Variants in CASP4 observed in about 807,000 individuals in gnomAD.
The protein encoded by CASP4 is caspase-4.
A neutral mutation model predicts 41.3 loss-of-function variants in CASP4; 29 were observed. The observed-to-expected ratio is 0.70, with a 90% confidence interval of 0.52 to 0.96. The LOEUF is 0.96. CASP4 is among the 40% of genes least tolerant of loss of function. The pLI is 0.00. For missense variants in CASP4, 447 were observed against 460.6 expected, an observed-to-expected ratio of 0.97 and a Z score of 0.27; for synonymous variants, 185 against 158.4, an observed-to-expected ratio of 1.17 and a Z score of -1.26.
intron 1 of CASP4, among the ~76,000 whole-genome samples, chr11:104,961,398 C>T (rs1236330086): frequency 4.6e-5 from 7 of 152,218 alleles, no homozygotes; most frequent in Non-Finnish European, 7.4e-5. Flanking sequence ...CTGTCTGTAG[C>T]CCCATTGCAG....
At chr11:104,954,042 A>G (rs1218586030) in intron 2 of CASP4, among the ~76,000 whole-genome samples, 1 of 152,186 alleles carries the variant, frequency 6.6e-6, no homozygotes, top group Admixed American at 6.6e-5. Flanking sequence ...ATGTGCCAAG[A>G]AAACTACTGA....
At chr11:104,953,254 A>G (rs868283710) in intron 2 of CASP4, among the ~76,000 whole-genome samples, 11 of 151,846 alleles carry the variant, frequency 7.2e-5, no homozygotes, top group African/African-American at 2.4e-4. Context: ...TGCTCTGGAG[A>G]CTCCAACTGC....
At chr11:104,966,338 A>G (rs778855672) in intron 1 of CASP4, among the ~76,000 whole-genome samples, 4 of 152,234 alleles carry the variant, frequency 2.6e-5, no homozygotes, top group South Asian at 2.1e-4. Flanking sequence ...TTTAATGAGC[A>G]TAAATTCTTG....
chr11:104,947,173 GTC>G lies in CASP4; in HGVS notation c.943_944del (p.Asp315GlnfsTer36). On this transcript the variant is annotated frameshift_variant, in exon 7 of 9. Transcript: ENST00000444739. LOFTEE classifies it high-confidence loss of function. Reference sequence around the variant, plus strand: ...TGATGAAGATAGAGCCCATTGTGCTGTCTCTCCAGGACACGTTGTCTATAATG... The same window carrying G: ...TGATGAAGATAGAGCCCATTGTGCTGTCTCCAGGACACGTTGTCTATAATG... ...SSTPHNVSWR[D>X]STMGSIFITQ... 6.2e-7 allele frequency: 1 copy of G among 1,609,848 alleles called. No homozygotes were observed. The highest frequency in any genetic ancestry group is 8.5e-7 in the Non-Finnish European group (1 of 1,176,608).
intron 7 of CASP4, 144 bp downstream of exon 7, chr11:104,946,939 C>A: frequency 1.7e-6 from 1 of 602,782 alleles, no homozygotes; most frequent in East Asian, 2.7e-5. Flanking sequence ...TTTCCTTAGC[C>A]ATATTTTAAA....
Position 104,950,993 on chromosome 11 carries a change from T to G in CASP4, c.478A>C (p.Thr160Pro). The G allele has an allele frequency of 6.2e-7, 1 of 1,613,474 alleles. No individual in the cohort carries two copies. Among genetic ancestry groups the G allele is most frequent in the Non-Finnish European group, 8.5e-7 (1 of 1,179,588 alleles). ...CCCTCAAGTAGCTCCTTCATCCCTG[T>G]GATGTCAAAGTCAGCTCCATTCCTC... ...PPRNGADFDITGMKELLEGLD... is the reference protein window; with the variant it reads ...PPRNGADFDIPGMKELLEGLD... Residue 160 changes from threonine to proline, a missense_variant, in exon 4 of 9, where the codon ACA becomes CCA. By Grantham distance (38) the Thr-to-Pro change is conservative. Coordinates refer to ENST00000444739, the MANE Select transcript of CASP4 (RefSeq NM_001225.4).
At chr11:104,960,480 A>C (rs1860834282) in intron 1 of CASP4, among the ~76,000 whole-genome samples, 1 of 151,740 alleles carries the variant, frequency 6.6e-6, no homozygotes, top group African/African-American at 2.4e-5. Context: ...GTATTTATAT[A>C]TTTTTGTGAG....
At chr11:104,966,383 G>T (rs745878517) in intron 1 of CASP4, among the ~76,000 whole-genome samples, 16 of 152,178 alleles carry the variant, frequency 1.1e-4, no homozygotes, top group Non-Finnish European at 2.4e-4. Context: ...GTACCACTTT[G>T]GCAGCATGTC....
intron 1 of CASP4, among the ~76,000 whole-genome samples, chr11:104,966,166 A>G (rs2134662475): frequency 6.6e-6 from 1 of 152,312 alleles, no homozygotes; most frequent in East Asian, 1.9e-4. Context: ...CTGTCTTGAT[A>G]AATTGGCTCT....
At position 104,964,480 on chromosome 11, in the gene CASP4, G is replaced by A. The variant is rs190366190; in HGVS notation, c.7+4039C>T. ...TCCAGAATTTGGAAACTCTTTGTAA[G>A]TATTCTCAATTTATGGCAGCATGGT... On this transcript the variant is annotated intron_variant, in intron 1 of 8. Transcript: ENST00000444739. Among the ~76,000 whole-genome samples the A allele has an allele frequency of 3.3e-3, 496 of 152,318 alleles. 2 individuals are homozygous for A. Among genetic ancestry groups the A allele is most frequent in the Non-Finnish European group, 6.2e-3 (424 of 68,026 alleles).
chr11:104,950,903 G>A, intron 4 of CASP4, 22 bp downstream of exon 4: 1 of 1,605,450 alleles, frequency 6.2e-7, no homozygotes, highest in Non-Finnish European at 8.5e-7. Flanking sequence ...GTATGTGTTT[G>A]TGGCGGCTGA....
intron 2 of CASP4, 60 bp from the exon 3 acceptor site, chr11:104,952,065 TAAG>T: frequency 2.0e-6 from 2 of 1,018,086 alleles, no homozygotes; most frequent in South Asian, 1.3e-5. Context: ...ATTTATCACC[TAAG>T]AAGATCGAGA....
At chr11:104,946,099 G>A (rs1168378643) in intron 7 of CASP4, among the ~76,000 whole-genome samples, 2 of 151,800 alleles carry the variant, frequency 1.3e-5, no homozygotes, top group African/African-American at 4.8e-5. Flanking sequence ...ACCCTCCTTC[G>A]GACTCCCAGA....
intron 1 of CASP4, among the ~76,000 whole-genome samples, chr11:104,956,288 G>A (rs1193477739): frequency 6.6e-6 from 1 of 151,852 alleles, no homozygotes; most frequent in Admixed American, 6.6e-5. Context: ...AATAACTTAT[G>A]TCACATCACA....
chr11:104,948,539 T>G lies in CASP4; in HGVS notation c.919A>C (p.Thr307Pro), dbSNP rs200954001. Reference sequence around the variant, plus strand: ...GCCACTGAAAGATACATACGTGGCGTTGAAGAGCAGAAAGCAATGAAGTCC... The same window carrying G: ...GCCACTGAAAGATACATACGTGGCGGTGAAGAGCAGAAAGCAATGAAGTCC... ...EKDFIAFCSS[T>P]PHNVSWRDST... Residue 307 changes from threonine (T) to proline (P), a missense_variant, in exon 6 of 9, where the codon ACG becomes CCG. By Grantham distance (38) the Thr-to-Pro change is conservative. Coordinates refer to ENST00000444739, the MANE Select transcript of CASP4 (RefSeq NM_001225.4). 6.2e-7 allele frequency: 1 copy of G among 1,604,006 alleles called. No individual in the cohort carries two copies. Among genetic ancestry groups the G allele is most frequent in the Non-Finnish European group, 8.5e-7 (1 of 1,173,930 alleles).
intron 1 of CASP4, among the ~76,000 whole-genome samples, chr11:104,957,003 A>G (rs1162964683): frequency 6.6e-6 from 1 of 152,164 alleles, no homozygotes; most frequent in Non-Finnish European, 1.5e-5. Context: ...AAGATCAGGA[A>G]GAAGACAAAG....
In CASP4 at chr11:104,962,848, C is replaced by T. The variant is rs368184130; in HGVS notation, c.7+5671G>A. 2.9e-4 allele frequency among the ~76,000 whole-genome samples: 44 copies of T among 152,264 alleles called. 1 individual carries two copies. In the East Asian group the frequency reaches 5.2e-3, roughly 18 times the overall value. On this transcript the variant is annotated intron_variant, in intron 1 of 8. Coordinates refer to ENST00000444739, the MANE Select transcript of CASP4 (RefSeq NM_001225.4). ...CAGGCTCTATTCTTGGCTTCTGGAA[C>T]AATTTCCTTCTGGTTTGCTATTTGC...
Position 104,948,591 on chromosome 11 carries a change from A to G in CASP4, c.867T>C (p.Asp289=), listed in dbSNP as rs1565364238. The G allele has an allele frequency of 6.2e-7, 1 of 1,611,842 alleles. No homozygotes were observed. Among genetic ancestry groups the G allele is most frequent in the Non-Finnish European group, 8.5e-7 (1 of 1,178,656 alleles). The change falls in exon 6 of 9, where the codon GAT becomes GAC. Residue 289 remains aspartate (D), a synonymous_variant. Transcript: ENST00000444739. ...TCTCCACGTGGGTCTTGTAAACAGCATCTTCCTCTAGGTTCTCAGATGACT... is the reference window on the plus strand; with the variant it reads ...TCTCCACGTGGGTCTTGTAAACAGCGTCTTCCTCTAGGTTCTCAGATGACT... ...SSQSSENLEE[D]AVYKTHVEKD...
At chr11:104,953,469 A>G (rs56108569) in intron 2 of CASP4, among the ~76,000 whole-genome samples, 1,874 of 152,270 alleles carry the variant, frequency 0.012, 39 homozygotes, top group African/African-American at 0.042. Context: ...CTTTTTGAAA[A>G]TGGAGATTGT....
Sources: gnomAD v4.1 joint callset for allele counts (sites outside exome capture counted in the v4.1 genomes callset) on GRCh38, gnomAD v4.1.1 for gene constraint, MANE v1.5 for transcripts, NCBI Gene and HGNC (gene_info 2026-07-23, HGNC 2026-07-21) for gene names.